The following FRMPD4 variants were observed in gnomAD, a reference collection of about 807,000 sequenced individuals.
FRMPD4 encodes FERM and PDZ domain-containing protein 4.
FRMPD4 carries 22 observed loss-of-function variants against 94.1 expected under a neutral mutation model. The observed-to-expected ratio is 0.23, with a 90% CI of 0.17 to 0.33. The LOEUF is 0.33. FRMPD4 is among the 10% of genes least tolerant of loss of function. The pLI is 1.00. For synonymous variants in FRMPD4, 631 were observed against 548.6 expected (o/e 1.15, Z -2.10); for missense variants, 1,111 against 1,339.9 (o/e 0.83, Z 2.67).
intron 1 of FRMPD4, among the ~76,000 whole-genome samples, chrX:11,850,056 A>G (rs2053611644): frequency 8.9e-6 from 1 of 112,241 alleles, no homozygotes; most frequent in East Asian, 2.8e-4. Flanking sequence ...TATTCAGACT[A>G]TATGAAGAAC....
intron 3 of FRMPD4, among the ~76,000 whole-genome samples, chrX:11,925,066 C>A (rs1257766538): frequency 9.3e-6 from 1 of 107,338 alleles, no homozygotes; most frequent in African/African-American, 3.4e-5. Context: ...AAAATCTAAG[C>A]AAATGGAAAA....
chrX:12,498,658 CTT>C lies in FRMPD4; in HGVS notation c.42-11_42-10del, dbSNP rs111618469. The C allele has an allele frequency of 6.1e-4, 439 of 715,589 alleles. No homozygotes were observed. Among genetic ancestry groups the C allele is most frequent in the Non-Finnish European group, 7.7e-4 (378 of 491,029 alleles). 59.0% of individuals were successfully genotyped at this position (715,589 alleles called of 1,213,427 possible). A position where few individuals can be genotyped will look rare whatever the true frequency, so the allele number is the denominator to read the frequency against. On this transcript the variant is annotated intron_variant, in intron 1 of 16. Coordinates refer to ENST00000675598, the MANE Select transcript of FRMPD4 (RefSeq NM_001368397.1). ...TGTTCAGGAGTCAGGTGTAATGATG[CTT>C]TTTTTTTTTTCTTTTCCAGCCACAG...
intron 1 of FRMPD4, among the ~76,000 whole-genome samples, chrX:11,841,336 T>G (rs2147279560): frequency 9.0e-6 from 1 of 110,814 alleles, no homozygotes; most frequent in East Asian, 2.9e-4. Flanking sequence ...ACTTCCACAA[T>G]GGTTGAACTA....
intron 1 of FRMPD4, among the ~76,000 whole-genome samples, chrX:12,480,515 A>G (rs1490934384): frequency 9.0e-6 from 1 of 111,421 alleles, no homozygotes; most frequent in East Asian, 2.8e-4. Context: ...CTTGTACACA[A>G]TGCCCTTCCT....
At chrX:11,965,379 C>T (rs1443366837) in intron 3 of FRMPD4, among the ~76,000 whole-genome samples, 2 of 111,859 alleles carry the variant, frequency 1.8e-5, no homozygotes, top group African/African-American at 3.2e-5. Context: ...GTTTTATTCC[C>T]CTAGAAAGGA....
intron 2 of FRMPD4, among the ~76,000 whole-genome samples, chrX:12,533,024 C>T (rs928613554): frequency 5.4e-5 from 6 of 112,035 alleles, no homozygotes; most frequent in African/African-American, 1.9e-4. Flanking sequence ...GTTCCCATGG[C>T]CTTGCTAGAC....
chrX:12,720,059 A>G (rs867508513), intron 16 of FRMPD4, among the ~76,000 whole-genome samples: 1 of 101,153 alleles, frequency 9.9e-6, no homozygotes, highest in African/African-American at 3.9e-5. Flanking sequence ...GGAAAGAAAG[A>G]AAGAAAGAAA....
intron 2 of FRMPD4, among the ~76,000 whole-genome samples, chrX:12,515,777 G>A (rs1312513476): frequency 3.6e-5 from 4 of 111,635 alleles, no homozygotes; most frequent in Non-Finnish European, 7.5e-5. Flanking sequence ...GTCTAATATT[G>A]ACAGTGGGGT....
chrX:11,998,873 T>C (rs2054510135), intron 3 of FRMPD4, among the ~76,000 whole-genome samples: 1 of 112,192 alleles, frequency 8.9e-6, no homozygotes, highest in South Asian at 3.7e-4. Context: ...ACAGCTTGCA[T>C]CAGGAGCAGC....
chrX:12,700,388 G>C (rs982628380), intron 9 of FRMPD4, among the ~76,000 whole-genome samples: 1 of 112,242 alleles, frequency 8.9e-6, no homozygotes, highest in Non-Finnish European at 1.9e-5. Context: ...GTAAGTGAAC[G>C]CACGTGTAGA....
intron 4 of FRMPD4, among the ~76,000 whole-genome samples, chrX:12,645,263 C>T (rs2059536572): frequency 9.3e-6 from 1 of 107,623 alleles, no homozygotes; most frequent in African/African-American, 3.4e-5. Flanking sequence ...ATGATTCATT[C>T]AGATCTCATT....
chrX:12,538,635 G>A (rs1157845835), intron 2 of FRMPD4, among the ~76,000 whole-genome samples: 1 of 111,726 alleles, frequency 9.0e-6, no homozygotes, highest in Non-Finnish European at 1.9e-5. Flanking sequence ...AGCTTCCAGA[G>A]GAACGATCAG....
chrX:12,695,475 G>T (rs1376159893), intron 9 of FRMPD4, among the ~76,000 whole-genome samples: 2 of 111,219 alleles, frequency 1.8e-5, no homozygotes, highest in East Asian at 5.6e-4. Context: ...CATGACCTTG[G>T]CTCACTGCAA....
intron 3 of FRMPD4, among the ~76,000 whole-genome samples, chrX:11,913,406 A>C (rs1399253942): frequency 8.9e-6 from 1 of 112,319 alleles, no homozygotes; most frequent in Non-Finnish European, 1.9e-5. Flanking sequence ...GGATGGGGTC[A>C]AGGCTAAAGT....
intron 3 of FRMPD4, among the ~76,000 whole-genome samples, chrX:12,112,336 A>G (rs2055371535): frequency 1.8e-5 from 2 of 110,913 alleles, no homozygotes. Context: ...CAAACACCGC[A>G]TGTTCTCACT....
chrX:12,433,112 G>A (rs1307024361), intron 1 of FRMPD4, among the ~76,000 whole-genome samples: 3 of 112,165 alleles, frequency 2.7e-5, no homozygotes, highest in Admixed American at 9.5e-5. Flanking sequence ...TGAAAATCAC[G>A]GTTGAGCATT....
intron 4 of FRMPD4, among the ~76,000 whole-genome samples, chrX:12,670,955 A>T (rs1288208778): frequency 8.9e-6 from 1 of 112,843 alleles, no homozygotes; most frequent in African/African-American, 3.2e-5. Context: ...TCTCAAAAGA[A>T]GATATTTATG....
At chrX:12,259,052 A>G (rs2054154459) in intron 1 of FRMPD4, among the ~76,000 whole-genome samples, 1 of 112,067 alleles carries the variant, frequency 8.9e-6, no homozygotes, top group Non-Finnish European at 1.9e-5. Flanking sequence ...TGAAAGAGAT[A>G]CAACCTTCAA....
At chrX:11,856,510 A>C (rs2053654702) in intron 1 of FRMPD4, among the ~76,000 whole-genome samples, 2 of 109,655 alleles carry the variant, frequency 1.8e-5, no homozygotes, top group Non-Finnish European at 1.9e-5. Flanking sequence ...AACATCCATT[A>C]ATGTTAAAAA....
Sources: allele counts gnomAD v4.1 joint callset (sites outside exome capture counted in the v4.1 genomes callset), GRCh38; gene constraint gnomAD v4.1.1; transcripts MANE v1.5; gene names NCBI Gene and HGNC (gene_info 2026-07-23, HGNC 2026-07-21).